ASCC3: variants seen among roughly 807,000 people sequenced by gnomAD.
The protein encoded by ASCC3 is activating signal cointegrator 1 complex subunit 3, also known as ASC-1 complex subunit P200.
Under a neutral mutation model 256.3 loss-of-function variants are expected in ASCC3, and 158 were observed. That is an observed-to-expected ratio of 0.62 (90% CI 0.54 to 0.70). The LOEUF (loss-of-function observed/expected upper bound fraction) is 0.70. Among genes scored for constraint, ASCC3 ranks in the 30% least tolerant of loss-of-function variants. ASCC3 has a pLI of 0.00. For missense variants in ASCC3, 2,259 were observed against 2,626.0 expected (o/e 0.86, Z 3.05); for synonymous variants, 948 against 883.4 (o/e 1.07, Z -1.30).
Position 100,799,493 on chromosome 6 carries a change from G to T in ASCC3, c.1207C>A (p.Pro403Thr), listed in dbSNP as rs370908063. The T allele has an allele frequency of 6.2e-7, 1 of 1,613,126 alleles. No individual in the cohort carries two copies. Among genetic ancestry groups the T allele is most frequent in the Non-Finnish European group, 8.5e-7 (1 of 1,179,482 alleles). ...TCAGCCTGGGAATCATACACATGGGGATAATGTATTTTTTCAACGTCTGCA... is the reference window on the plus strand; with the variant it reads ...TCAGCCTGGGAATCATACACATGGGTATAATGTATTTTTTCAACGTCTGCA... ...RDADVEKIHY[P>T]HVYDSQAEAM... The change falls in exon 7 of 42, where the codon CCC (proline) becomes ACC (threonine). Residue 403 changes from proline to threonine, a missense_variant. Physicochemically the swap from Pro to Thr is conservative, Grantham distance 38. Transcript: ENST00000369162.
intron 12 of ASCC3, 92 bp from the exon 13 acceptor site, chr6:100,715,625 T>C: frequency 2.0e-6 from 2 of 1,012,412 alleles, no homozygotes; most frequent in South Asian, 2.7e-5. Flanking sequence ...ATGCATTTTT[T>C]AAGCTTTCAG....
chr6:100,539,903 TA>T (rs1239626058), intron 37 of ASCC3, among the ~76,000 whole-genome samples: 6 of 152,176 alleles, frequency 3.9e-5, no homozygotes, highest in African/African-American at 1.2e-4. Context: ...TGTTAATTAT[TA>T]TATGCTCAGT....
rs1175482201 is a variant in ASCC3 at position 100,540,334 on chromosome 6, A to G, written c.5604T>C (p.Asn1868=). Residue 1868 remains asparagine (N), a synonymous_variant, in exon 37 of 42, where the codon AAT becomes AAC. Coordinates refer to ENST00000369162, the MANE Select transcript of ASCC3 (RefSeq NM_006828.4). The part of the protein sequence containing the change: ...LPVRHNEDHM[N]SELAKCLPIE... ...TGGGAAGACATTTTGCCAGTTCACT[A>G]TTCATATGATCTTCATTGTGTCTCA... is the stretch of plus-strand genomic sequence containing the variant. The G allele has an allele frequency of 6.2e-7, 1 of 1,613,462 alleles. No homozygotes were observed. The highest frequency in any genetic ancestry group is 1.3e-5 in the African/African-American group (1 of 74,848).
At chr6:100,798,909 G>C in intron 7 of ASCC3, 71 bp from the exon 8 acceptor site, 1 of 1,344,196 alleles carries the variant, frequency 7.4e-7, no homozygotes, top group Non-Finnish European at 1.0e-6. Flanking sequence ...ATATTCTTTA[G>C]AGAGAGACAG....
chr6:100,556,352 C>G (rs1486374030), intron 36 of ASCC3, among the ~76,000 whole-genome samples: 9 of 152,198 alleles, frequency 5.9e-5, no homozygotes, highest in Non-Finnish European at 1.2e-4. Context: ...GAAATGAACG[C>G]TGGTGCTACA....
chr6:100,774,251 G>A (rs993319543), intron 8 of ASCC3, among the ~76,000 whole-genome samples: 4 of 152,100 alleles, frequency 2.6e-5, no homozygotes, highest in African/African-American at 4.8e-5. Flanking sequence ...TCAAACTTCT[G>A]GGGACAAGCA....
chr6:100,654,180 CTA>C (rs1775809415), intron 17 of ASCC3, among the ~76,000 whole-genome samples: 2 of 151,838 alleles, frequency 1.3e-5, no homozygotes, highest in Non-Finnish European at 2.9e-5. Context: ...ACTTATAAAA[CTA>C]TTTTATTAAT....
At chr6:100,562,161 T>G (rs1226916822) in intron 36 of ASCC3, among the ~76,000 whole-genome samples, 2 of 150,878 alleles carry the variant, frequency 1.3e-5, no homozygotes, top group Non-Finnish European at 2.9e-5. Flanking sequence ...TGGAATCCTT[T>G]TTCAGGAGAA....
intron 14 of ASCC3, among the ~76,000 whole-genome samples, chr6:100,671,922 C>A (rs1776770336): frequency 6.6e-6 from 1 of 151,986 alleles, no homozygotes; most frequent in South Asian, 2.1e-4. Flanking sequence ...TAGACTCATG[C>A]CACATAGTTG....
At chr6:100,516,934 G>C (rs919928025) in intron 38 of ASCC3, among the ~76,000 whole-genome samples, 1 of 151,948 alleles carries the variant, frequency 6.6e-6, no homozygotes. Flanking sequence ...TGTGTGCTAC[G>C]TGTGGTAGTA....
intron 4 of ASCC3, among the ~76,000 whole-genome samples, chr6:100,809,230 T>C (rs765998685): frequency 1.3e-5 from 2 of 152,036 alleles, no homozygotes; most frequent in African/African-American, 4.8e-5. Context: ...AACTTTTTAC[T>C]TCATAAACTT....
At chr6:100,781,917 A>G (rs1458430302) in intron 8 of ASCC3, among the ~76,000 whole-genome samples, 2 of 151,832 alleles carry the variant, frequency 1.3e-5, no homozygotes, top group East Asian at 3.9e-4. Context: ...ACCCAATCCC[A>G]ATTTACATAT....
chr6:100,633,566 C>A (rs1774665556), intron 25 of ASCC3, among the ~76,000 whole-genome samples: 2 of 151,784 alleles, frequency 1.3e-5, no homozygotes, highest in Admixed American at 6.6e-5. Flanking sequence ...AGAAGGAAAT[C>A]ATAAGAAATT....
At chr6:100,637,415 C>G (rs749006070) in intron 25 of ASCC3, among the ~76,000 whole-genome samples, 1 of 152,108 alleles carries the variant, frequency 6.6e-6, no homozygotes, top group Non-Finnish European at 1.5e-5. Context: ...AATCACACTC[C>G]AAAGCTTTGA....
At position 100,661,323 on chromosome 6, in the gene ASCC3, TCACACACACA is replaced by T. The variant is rs749963143; in HGVS notation, c.2703+473_2703+482del. Among the ~76,000 whole-genome samples the T allele has an allele frequency of 2.0e-3, 281 of 141,614 alleles. 1 individual carries two copies. Among genetic ancestry groups the T allele is most frequent in the Non-Finnish European group, 3.0e-3 (194 of 64,434 alleles). The allele number at this position is 141,614 out of a possible 152,430, so 92.9% of individuals were successfully genotyped here. Reference sequence around the variant, plus strand: ...TGCTATGTAAATCTTAACACAAAAGTCACACACACACACACACACACACACACACACACAC... The same window carrying T: ...TGCTATGTAAATCTTAACACAAAAGTCACACACACACACACACACACACAC... On this transcript the variant is annotated intron_variant, in intron 16 of 41. Coordinates refer to ENST00000369162, the MANE Select transcript of ASCC3 (RefSeq NM_006828.4).
intron 18 of ASCC3, among the ~76,000 whole-genome samples, chr6:100,652,484 CTATT>C (rs1238721870): frequency 6.6e-6 from 1 of 152,102 alleles, no homozygotes; most frequent in Non-Finnish European, 1.5e-5. Context: ...TGTGCCTTGA[CTATT>C]TAGGCTTGGG....
chr6:100,704,522 A>G (rs1216471178), intron 13 of ASCC3, among the ~76,000 whole-genome samples: 1 of 152,022 alleles, frequency 6.6e-6, no homozygotes, highest in Non-Finnish European at 1.5e-5. Context: ...TTTTTACATA[A>G]TTAATTTACA....
At chr6:100,846,858 T>C (rs757230334) in intron 4 of ASCC3, among the ~76,000 whole-genome samples, 1 of 152,126 alleles carries the variant, frequency 6.6e-6, no homozygotes, top group Non-Finnish European at 1.5e-5. Flanking sequence ...ATAATACCTA[T>C]GATATTTCAG....
At chr6:100,630,006 T>G (rs920417752) in intron 26 of ASCC3, among the ~76,000 whole-genome samples, 5 of 152,054 alleles carry the variant, frequency 3.3e-5, no homozygotes, top group Non-Finnish European at 5.9e-5. Context: ...CAGGTGATTC[T>G]CCTGTCTCCA....
Sources: gnomAD v4.1 joint callset for allele counts (sites outside exome capture counted in the v4.1 genomes callset) on GRCh38, gnomAD v4.1.1 for gene constraint, MANE v1.5 for transcripts, NCBI Gene and HGNC (gene_info 2026-07-23, HGNC 2026-07-21) for gene names.